EYS: variants seen among roughly 807,000 people sequenced by gnomAD.
EYS encodes the protein EGF-like photoreceptor maintenance factor.
A neutral mutation model predicts 282.1 loss-of-function variants in EYS; 250 were observed. The observed-to-expected ratio is 0.89, with a 90% confidence interval of 0.80 to 0.98. The LOEUF (loss-of-function observed/expected upper bound fraction) is 0.98, where lower values mean the gene tolerates loss of function less well. EYS is among the 50% of genes least tolerant of loss of function. The pLI is 0.00. For synonymous variants in EYS, 1,355 were observed against 1,282.9 expected (o/e 1.06, Z -1.20); for missense variants, 4,016 against 3,709.0 (o/e 1.08, Z -2.15).
intron 41 of EYS, among the ~76,000 whole-genome samples, chr6:63,758,372 C>T (rs1395697077): frequency 5.9e-5 from 9 of 151,966 alleles, no homozygotes. Context: ...TTAAAGCTAA[C>T]CCATATTATT....
chr6:64,352,988 G>T (rs965957840), intron 29 of EYS, among the ~76,000 whole-genome samples: 7 of 151,390 alleles, frequency 4.6e-5, no homozygotes, highest in Non-Finnish European at 1.0e-4. Flanking sequence ...ATGTTCACTA[G>T]AAATTGTGCT....
At chr6:64,120,196 AT>A (rs1352971680) in intron 31 of EYS, among the ~76,000 whole-genome samples, 8 of 131,260 alleles carry the variant, frequency 6.1e-5, no homozygotes, top group African/African-American at 3.4e-4. Context: ...AAAAAAAAAA[AT>A]TACAAAAAAT....
At chr6:63,991,849 C>G (rs993946376) in intron 34 of EYS, among the ~76,000 whole-genome samples, 1 of 151,718 alleles carries the variant, frequency 6.6e-6, no homozygotes, top group Non-Finnish European at 1.5e-5. Flanking sequence ...AAAAAGGCAA[C>G]TTGTCATGTA....
chr6:65,499,750 G>C (rs1430041175), intron 2 of EYS, among the ~76,000 whole-genome samples: 1 of 151,770 alleles, frequency 6.6e-6, no homozygotes, highest in African/African-American at 2.4e-5. Flanking sequence ...ATTTTAGCAA[G>C]GATACTAGAA....
chr6:65,220,108 C>A (rs928613890), intron 12 of EYS, among the ~76,000 whole-genome samples: 1 of 152,088 alleles, frequency 6.6e-6, no homozygotes, highest in Non-Finnish European at 1.5e-5. Context: ...AACCTCTCTG[C>A]AAAACTATTT....
intron 12 of EYS, among the ~76,000 whole-genome samples, chr6:65,219,756 G>T (rs1766411789): frequency 6.6e-6 from 1 of 152,064 alleles, no homozygotes; most frequent in South Asian, 2.1e-4. Context: ...AGTTCCATAT[G>T]GTTGGGGAAT....
intron 5 of EYS, among the ~76,000 whole-genome samples, chr6:65,434,790 T>A (rs1243370579): frequency 6.6e-6 from 1 of 152,160 alleles, no homozygotes; most frequent in Non-Finnish European, 1.5e-5. Flanking sequence ...AATGTTCCCT[T>A]AATATGAAAA....
At chr6:65,231,028 G>A (rs559034454) in intron 12 of EYS, among the ~76,000 whole-genome samples, 5 of 142,754 alleles carry the variant, frequency 3.5e-5, no homozygotes, top group African/African-American at 1.3e-4. Flanking sequence ...TAACAAACCT[G>A]CACTTGTACC....
intron 14 of EYS, among the ~76,000 whole-genome samples, chr6:64,957,056 G>A (rs1192330742): frequency 6.6e-6 from 1 of 152,132 alleles, no homozygotes; most frequent in East Asian, 1.9e-4. Flanking sequence ...AAATGATCCA[G>A]CAATCCCACT....
intron 39 of EYS, among the ~76,000 whole-genome samples, chr6:63,778,692 T>A (rs958914517): frequency 6.6e-6 from 1 of 152,146 alleles, no homozygotes; most frequent in Non-Finnish European, 1.5e-5. Context: ...ATTTAAATTA[T>A]TTTTAGTACA....
At chr6:64,837,001 G>A (rs1159787227) in intron 19 of EYS, among the ~76,000 whole-genome samples, 1 of 151,550 alleles carries the variant, frequency 6.6e-6, no homozygotes, top group African/African-American at 2.4e-5. Flanking sequence ...TTTAATGAAT[G>A]GCATGGGGGA....
intron 21 of EYS, among the ~76,000 whole-genome samples, chr6:64,815,779 A>G (rs1764728719): frequency 6.6e-6 from 1 of 152,092 alleles, no homozygotes; most frequent in Non-Finnish European, 1.5e-5. Context: ...TAGACAACAG[A>G]GCTTGACCCC....
intron 15 of EYS, among the ~76,000 whole-genome samples, chr6:64,932,810 A>G (rs1352173778): frequency 6.6e-6 from 1 of 152,068 alleles, no homozygotes; most frequent in African/African-American, 2.4e-5. Context: ...GATTCATTTT[A>G]GCTGACCACT....
At chr6:65,200,338 G>A (rs1765871580) in intron 12 of EYS, among the ~76,000 whole-genome samples, 1 of 151,526 alleles carries the variant, frequency 6.6e-6, no homozygotes, top group Non-Finnish European at 1.5e-5. Context: ...CAATCTGTTG[G>A]GCAGGAGATC....
chr6:65,329,505 G>A (rs1017223761), intron 11 of EYS: 4 of 979,200 alleles, frequency 4.1e-6, no homozygotes, highest in Admixed American at 1.2e-4. Flanking sequence ...TTGATCTAGT[G>A]GTTTCAAGAC....
intron 2 of EYS, among the ~76,000 whole-genome samples, chr6:65,530,566 T>C (rs12530329): frequency 0.12 from 18,289 of 152,112 alleles, 1,330 homozygotes; most frequent in African/African-American, 0.18. Flanking sequence ...AAAAAGCTTA[T>C]AAAAACATAA....
chr6:64,422,114 T>C (rs1405644446), intron 28 of EYS, among the ~76,000 whole-genome samples: 9 of 152,030 alleles, frequency 5.9e-5, no homozygotes, highest in East Asian at 1.9e-4. Context: ...AGCTAGATGA[T>C]TGACAGATAG....
chr6:64,653,630 CT>C (rs1768643007), intron 22 of EYS, among the ~76,000 whole-genome samples: 1 of 151,970 alleles, frequency 6.6e-6, no homozygotes, highest in Admixed American at 6.6e-5. Context: ...AGTGGCGTGA[CT>C]GTGGCTCACT....
intron 26 of EYS, among the ~76,000 whole-genome samples, chr6:64,540,015 G>A (rs1173262941): frequency 1.3e-5 from 2 of 152,168 alleles, no homozygotes; most frequent in Non-Finnish European, 2.9e-5. Flanking sequence ...TGAGAAGAGA[G>A]GAACCATTTC....
Sources: gnomAD v4.1 joint callset for allele counts (sites outside exome capture counted in the v4.1 genomes callset) on GRCh38, gnomAD v4.1.1 for gene constraint, MANE v1.5 for transcripts, NCBI Gene and HGNC (gene_info 2026-07-23, HGNC 2026-07-21) for gene names.